Variants in TMEM178B observed in about 807,000 individuals in gnomAD.
TMEM178B encodes transmembrane protein 178B.
A neutral mutation model predicts 31.0 loss-of-function variants in TMEM178B; 5 were observed. That is an observed-to-expected ratio of 0.16 (90% CI 0.08 to 0.34). The LOEUF is 0.34. Among genes scored for constraint, TMEM178B ranks in the 10% least tolerant of loss-of-function variants. The pLI is 1.00. For synonymous variants in TMEM178B, 164 were observed against 164.0 expected (o/e 1.00, Z 0.00); for missense variants, 275 against 400.3 (o/e 0.69, Z 2.67).
chr7:141,103,895 G>C (rs1379468625), intron 1 of TMEM178B, among the ~76,000 whole-genome samples: 1 of 152,106 alleles, frequency 6.6e-6, no homozygotes, highest in Non-Finnish European at 1.5e-5. Context: ...AAGAAAACAG[G>C]GTTGATTGGA....
At chr7:141,187,497 G>C (rs1048489813) in intron 1 of TMEM178B, among the ~76,000 whole-genome samples, 33 of 152,192 alleles carry the variant, frequency 2.2e-4, no homozygotes, top group African/African-American at 7.5e-4. Flanking sequence ...TCTAGTTCTA[G>C]ATCCCTGAGG....
chr7:141,105,056 CA>C (rs1795119510), intron 1 of TMEM178B, among the ~76,000 whole-genome samples: 1 of 152,162 alleles, frequency 6.6e-6, no homozygotes, highest in Non-Finnish European at 1.5e-5. Flanking sequence ...ACCCCAACCC[CA>C]GGGTGGCCTT....
chr7:141,406,569 C>T (rs1800889290), intron 2 of TMEM178B, among the ~76,000 whole-genome samples: 1 of 152,194 alleles, frequency 6.6e-6, no homozygotes, highest in South Asian at 2.1e-4. Flanking sequence ...AATTACTATG[C>T]ATATATGCTG....
the TMEM178B span, among the ~76,000 whole-genome samples, chr7:141,491,741 T>A: frequency 9.9e-5 from 15 of 152,214 alleles, no homozygotes; most frequent in Non-Finnish European, 1.0e-4. Context: ...AGAGCCTGCA[T>A]CTTAACCACT....
At chr7:141,412,926 G>T (rs1193108807) in intron 2 of TMEM178B, among the ~76,000 whole-genome samples, 1 of 152,186 alleles carries the variant, frequency 6.6e-6, no homozygotes, top group East Asian at 1.9e-4. Flanking sequence ...CAAGAGTCTC[G>T]ATTTCTAGTT....
At chr7:141,209,790 G>T (rs1366530125) in intron 1 of TMEM178B, among the ~76,000 whole-genome samples, 1 of 152,158 alleles carries the variant, frequency 6.6e-6, no homozygotes, top group Non-Finnish European at 1.5e-5. Flanking sequence ...CTCTTAGGAT[G>T]AGTAGATGTT....
chr7:141,320,186 G>A (rs1228085228), intron 2 of TMEM178B, among the ~76,000 whole-genome samples: 2 of 152,082 alleles, frequency 1.3e-5, no homozygotes, highest in African/African-American at 2.4e-5. Flanking sequence ...ATGATTGTAA[G>A]TTTCCTGAGG....
chr7:141,114,306 G>A (rs1795283243), intron 1 of TMEM178B, among the ~76,000 whole-genome samples: 1 of 152,014 alleles, frequency 6.6e-6, no homozygotes, highest in Admixed American at 6.6e-5. Context: ...CAGCTGCACT[G>A]TATATCTGTA....
intron 1 of TMEM178B, among the ~76,000 whole-genome samples, chr7:141,082,103 T>A (rs1260721235): frequency 6.6e-6 from 1 of 152,232 alleles, no homozygotes; most frequent in African/African-American, 2.4e-5. Flanking sequence ...TGTACTAGGC[T>A]ACACCATCTA....
At chr7:141,420,577 G>A (rs1012363711) in intron 2 of TMEM178B, among the ~76,000 whole-genome samples, 5 of 152,090 alleles carry the variant, frequency 3.3e-5, no homozygotes, top group African/African-American at 4.8e-5. Context: ...GAGGTCGACC[G>A]AGCCCACTCA....
chr7:141,375,916 A>T (rs1800204571), intron 2 of TMEM178B, among the ~76,000 whole-genome samples: 2 of 152,206 alleles, frequency 1.3e-5, no homozygotes, highest in South Asian at 4.1e-4. Context: ...ATCGGCCTGC[A>T]GGAGTTCATA....
intron 2 of TMEM178B, among the ~76,000 whole-genome samples, chr7:141,349,875 C>A (rs1384483041): frequency 6.6e-6 from 1 of 152,060 alleles, no homozygotes; most frequent in Non-Finnish European, 1.5e-5. Context: ...AGAAGGCAGC[C>A]CCCTCGTTGT....
intron 2 of TMEM178B, among the ~76,000 whole-genome samples, chr7:141,300,264 A>G (rs1157012902): frequency 6.6e-6 from 1 of 152,088 alleles, no homozygotes. Flanking sequence ...TGCCTGCCCC[A>G]CTGGCAGGCA....
At chr7:141,443,916 G>T (rs1315406293) in intron 3 of TMEM178B, among the ~76,000 whole-genome samples, 2 of 152,106 alleles carry the variant, frequency 1.3e-5, no homozygotes, top group Non-Finnish European at 2.9e-5. Context: ...ACCTTCTTTT[G>T]TTGCTCTCAT....
At chr7:141,330,054 C>T (rs1367542640) in intron 2 of TMEM178B, among the ~76,000 whole-genome samples, 1 of 151,644 alleles carries the variant, frequency 6.6e-6, no homozygotes, top group Non-Finnish European at 1.5e-5. Context: ...TTAATCTTCA[C>T]CCTGAGGGCA....
chr7:141,103,343 A>G (rs1270100044), intron 1 of TMEM178B, among the ~76,000 whole-genome samples: 2 of 152,236 alleles, frequency 1.3e-5, no homozygotes, highest in African/African-American at 2.4e-5. Flanking sequence ...TGAAACCAGC[A>G]TGTTTTCTCT....
intron 1 of TMEM178B, among the ~76,000 whole-genome samples, chr7:141,099,426 G>A (rs1156334525): frequency 2.0e-5 from 3 of 152,176 alleles, no homozygotes; most frequent in South Asian, 2.1e-4. Context: ...TTTCTTACAT[G>A]TCTGGGTCTG....
intron 2 of TMEM178B, among the ~76,000 whole-genome samples, chr7:141,312,685 G>A (rs1217812166): frequency 1.3e-5 from 2 of 152,150 alleles, no homozygotes; most frequent in African/African-American, 2.4e-5. Flanking sequence ...TCAATGATTT[G>A]CATTCATAGG....
rs554160908 is a variant in TMEM178B, at chr7:141,279,696, G to A, written c.496+66992G>A. Among the ~76,000 whole-genome samples, 400 of 152,314 alleles carry A rather than the reference G, an allele frequency of 2.6e-3. 2 individuals carry two copies. Among genetic ancestry groups the A allele is most frequent in the Non-Finnish European group, 4.0e-3 (270 of 68,010 alleles). On this transcript the variant is annotated intron_variant, in intron 2 of 3. Coordinates refer to ENST00000565468, the MANE Select transcript of TMEM178B (RefSeq NM_001195278.2). ...CTGGGCCTCAGGTGGGGTTCTGCTA[G>A]GGCAGCCCCAAGCTGGAACCCTGAG...
Sources: gnomAD v4.1 joint callset for allele counts (sites outside exome capture counted in the v4.1 genomes callset) on GRCh38, gnomAD v4.1.1 for gene constraint, MANE v1.5 for transcripts, NCBI Gene and HGNC (gene_info 2026-07-23, HGNC 2026-07-21) for gene names.